CD109: variants seen among roughly 807,000 people sequenced by gnomAD.
The protein encoded by CD109 is CD109 molecule.
Under a neutral mutation model 165.8 loss-of-function variants are expected in CD109, and 149 were observed. That is an observed-to-expected ratio of 0.90 (90% CI 0.79 to 1.03). CD109 has a LOEUF of 1.03. CD109 is among the 50% of genes least tolerant of loss of function. CD109 has a pLI of 0.00. For synonymous variants in CD109, 585 were observed against 592.1 expected (o/e 0.99, Z 0.18); for missense variants, 1,712 against 1,677.8 (o/e 1.02, Z -0.36).
At chr6:73,733,632 T>C (rs1325938910) in intron 4 of CD109, among the ~76,000 whole-genome samples, 1 of 152,174 alleles carries the variant, frequency 6.6e-6, no homozygotes, top group Non-Finnish European at 1.5e-5. Context: ...CCAGAAGTTG[T>C]TGGTGCTAGT....
chr6:73,782,041 A>G (rs1170604000), intron 17 of CD109, among the ~76,000 whole-genome samples: 1 of 152,214 alleles, frequency 6.6e-6, no homozygotes, highest in African/African-American at 2.4e-5. Flanking sequence ...AGGTTAAGTT[A>G]TACTAACATC....
intron 10 of CD109, 48 bp downstream of exon 10, chr6:73,763,733 A>G: frequency 1.1e-6 from 1 of 871,142 alleles, no homozygotes; most frequent in South Asian, 2.1e-5. Flanking sequence ...GTTCAGCTTA[A>G]TGAAATAGAA....
intron 2 of CD109, among the ~76,000 whole-genome samples, chr6:73,720,661 G>T (rs905243999): frequency 1.3e-5 from 2 of 152,004 alleles, no homozygotes; most frequent in Non-Finnish European, 1.5e-5. Flanking sequence ...ATTAAAAAAA[G>T]AATAAAACAT....
At chr6:73,788,894 C>G (rs1304906819) in intron 22 of CD109, among the ~76,000 whole-genome samples, 1 of 152,166 alleles carries the variant, frequency 6.6e-6, no homozygotes, top group Non-Finnish European at 1.5e-5. Context: ...GCTTTTCTAA[C>G]AAGCTCCTAG....
At chr6:73,781,120 A>G in intron 16 of CD109, 139 bp from the exon 17 acceptor site, 1 of 619,210 alleles carries the variant, frequency 1.6e-6, no homozygotes, top group Non-Finnish European at 2.9e-6. Flanking sequence ...AGAGACAGAA[A>G]GGTTGAATGT....
At chr6:73,738,199 G>C (rs1772619717) in intron 5 of CD109, among the ~76,000 whole-genome samples, 1 of 152,232 alleles carries the variant, frequency 6.6e-6, no homozygotes, top group African/African-American at 2.4e-5. Flanking sequence ...CACAAGCACT[G>C]ATGTTTTGGG....
In CD109 at chr6:73,736,385, C is replaced by T. The variant is rs1562038108; in HGVS notation, c.510C>T (p.Asp170=). 6.2e-7 allele frequency: 1 copy of T among 1,613,138 alleles called. No homozygotes were observed. The highest frequency in any genetic ancestry group is 2.2e-5 in the East Asian group (1 of 44,806). The part of the protein sequence containing the change: ...YKTSLNILIK[D]PKSNLIQQWL... ...TACATGTCTGGTTTTCATTTTAGGACCCCAAATCAAATTTGATCCAACAGT... is the reference window on the plus strand; with the variant it reads ...TACATGTCTGGTTTTCATTTTAGGATCCCAAATCAAATTTGATCCAACAGT... Residue 170 remains aspartate, a splice_region_variant and synonymous_variant, in exon 5 of 33, where the codon GAC becomes GAT. Transcript: ENST00000287097.
At chr6:73,713,960 G>A (rs1182581374) in intron 2 of CD109, among the ~76,000 whole-genome samples, 1 of 152,140 alleles carries the variant, frequency 6.6e-6, no homozygotes, top group East Asian at 1.9e-4. Flanking sequence ...CTGCCGGTGG[G>A]TGGTAGCTGG....
chr6:73,793,905 C>T (rs1457278520), intron 23 of CD109, among the ~76,000 whole-genome samples: 12 of 151,876 alleles, frequency 7.9e-5, no homozygotes, highest in South Asian at 6.2e-4. Flanking sequence ...TATAGTTCAA[C>T]GCTTTCCAAC....
chr6:73,697,594 C>A, intron 2 of CD109, 22 bp downstream of exon 2: 1 of 1,601,414 alleles, frequency 6.2e-7, no homozygotes, highest in South Asian at 1.1e-5. Context: ...AGCATAAAGT[C>A]TTACCCTTCT....
chr6:73,811,293 C>A (rs1775751633), intron 28 of CD109, 146 bp downstream of exon 28: 5 of 921,274 alleles, frequency 5.4e-6, no homozygotes, highest in African/African-American at 3.4e-5. Context: ...CCTTCTTTGG[C>A]TGAATTTGCT....
intron 19 of CD109, among the ~76,000 whole-genome samples, chr6:73,784,239 T>C (rs754539631): frequency 2.6e-5 from 4 of 152,232 alleles, no homozygotes; most frequent in Non-Finnish European, 5.9e-5. Flanking sequence ...TTGCATCATA[T>C]ATTGTTTCCT....
Position 73,792,619 on chromosome 6 carries a change from C to G in CD109, c.2702-7C>G. The stretch of plus-strand genomic sequence containing the variant: ...TACTGAATGAACTGCATGTCTTGTG[C>G]TTCCAGGAGATGTTCTTGGTCCTTC... On this transcript the variant is annotated splice_polypyrimidine_tract_variant and splice_region_variant and intron_variant, in intron 22 of 32. Transcript: ENST00000287097. The G allele has an allele frequency of 1.2e-6, 2 of 1,611,952 alleles. No homozygotes were observed. The highest frequency in any genetic ancestry group is 1.7e-6 in the Non-Finnish European group (2 of 1,179,684).
rs532667942 is a variant in CD109, at chr6:73,729,813, A to G, written c.277-531A>G. Among the ~76,000 whole-genome samples the G allele has an allele frequency of 2.6e-3, 392 of 152,074 alleles. 2 individuals carry two copies. Among genetic ancestry groups the G allele is most frequent in the African/African-American group, 8.5e-3 (353 of 41,464 alleles). ...ACAGGTGTGAGTTAACGTGCCTGGG[A>G]AGGATTTCTGTTATTAATAGTAGTA... On this transcript the variant is annotated intron_variant, in intron 3 of 32. Transcript: ENST00000287097.
intron 3 of CD109, among the ~76,000 whole-genome samples, chr6:73,724,942 G>A (rs971736858): frequency 3.9e-5 from 6 of 152,134 alleles, no homozygotes; most frequent in African/African-American, 1.4e-4. Context: ...AGTACATTCA[G>A]AAACCACATT....
chr6:73,775,169 A>G (rs751590085), intron 15 of CD109, among the ~76,000 whole-genome samples: 7 of 151,624 alleles, frequency 4.6e-5, no homozygotes, highest in Non-Finnish European at 1.0e-4. Context: ...TTTATTGTGT[A>G]TATTTGAGGT....
intron 5 of CD109, among the ~76,000 whole-genome samples, chr6:73,755,050 T>G (rs1051821349): frequency 6.6e-6 from 1 of 152,236 alleles, no homozygotes. Flanking sequence ...TAGTCTTGTC[T>G]GTGCTGGCCT....
At chr6:73,807,195 T>A (rs2150294760) in intron 25 of CD109, 123 bp downstream of exon 25, 1 of 698,218 alleles carries the variant, frequency 1.4e-6, no homozygotes, top group East Asian at 2.7e-5. Context: ...GAAATCTGAA[T>A]TTGAGTACTC....
chr6:73,686,079 G>A, the CD109 span, among the ~76,000 whole-genome samples: 2 of 152,222 alleles, frequency 1.3e-5, no homozygotes, highest in Non-Finnish European at 2.9e-5. Context: ...GTGCTATGCT[G>A]TGCTGAGTAG....
Sources: allele counts gnomAD v4.1 joint callset (sites outside exome capture counted in the v4.1 genomes callset), GRCh38; gene constraint gnomAD v4.1.1; transcripts MANE v1.5; gene names NCBI Gene and HGNC (gene_info 2026-07-23, HGNC 2026-07-21).